HADHB: variants seen among roughly 807,000 people sequenced by gnomAD.
HADHB encodes hydroxyacyl-CoA dehydrogenase trifunctional multienzyme complex subunit beta.
In HADHB, 50 loss-of-function variants were observed where a neutral mutation model predicts 61.9. The ratio of observed to expected loss-of-function variants is 0.81; its 90% confidence interval spans 0.64 to 1.02. HADHB has a LOEUF of 1.02. Ranked by LOEUF, HADHB falls within the 50% of genes least tolerant of loss-of-function variation. The pLI, the probability that HADHB is intolerant of heterozygous loss-of-function variation, is 0.00. For synonymous variants in HADHB, 191 were observed against 201.6 expected, an observed-to-expected ratio of 0.95 and a Z score of 0.45; for missense variants, 504 against 586.5, an observed-to-expected ratio of 0.86 and a Z score of 1.45.
chr2:26,281,082 T>C (rs1434296282), intron 10 of HADHB, among the ~76,000 whole-genome samples: 2 of 151,970 alleles, frequency 1.3e-5, no homozygotes, highest in African/African-American at 2.4e-5. Flanking sequence ...CCCAATATTA[T>C]TTTCCTGTAA....
chr2:26,279,810 C>G (rs545974909), intron 9 of HADHB, among the ~76,000 whole-genome samples, 184 bp from the exon 10 acceptor site: 1 of 152,040 alleles, frequency 6.6e-6, no homozygotes, highest in East Asian at 1.9e-4. Flanking sequence ...AGATGATTTC[C>G]CAATTGTCTT....
chr2:26,246,122 A>T (rs1157673061), intron 1 of HADHB, among the ~76,000 whole-genome samples: 1 of 152,208 alleles, frequency 6.6e-6, no homozygotes, highest in African/African-American at 2.4e-5. Flanking sequence ...ATAAATTGCA[A>T]AAAGGATTCT....
chr2:26,255,302 C>A (rs1035015109), intron 3 of HADHB, among the ~76,000 whole-genome samples: 4 of 151,974 alleles, frequency 2.6e-5, no homozygotes, highest in African/African-American at 9.7e-5. Flanking sequence ...GAGTTTGAGA[C>A]CAGCTTGGTC....
Position 26,282,869 on chromosome 2 carries a change from A to G in HADHB, c.958A>G (p.Ile320Val). 1 of 1,613,020 alleles carries G rather than the reference A, an allele frequency of 6.2e-7. No individual in the cohort carries two copies. The highest frequency in any genetic ancestry group is 1.3e-5 in the African/African-American group (1 of 75,042). ...FLTDGASAMLIMAEEKALAMG... is the reference protein window; with the variant it reads ...FLTDGASAMLVMAEEKALAMG... The stretch of plus-strand genomic sequence containing the variant: ...GACTGATGGTGCATCTGCAATGTTA[A>G]TCATGGCGGAGGAAAAGGCTCTGGC... Residue 320 changes from isoleucine to valine, a missense_variant, in exon 11 of 16, where the codon ATC becomes GTC. Ile to Val is a conservative substitution (Grantham distance 29). Transcript: ENST00000317799.
chr2:26,279,954 T>A lies in HADHB; in HGVS notation c.812-40T>A, dbSNP rs781310561. On this transcript the variant is annotated intron_variant, in intron 9 of 15. Coordinates refer to ENST00000317799, the MANE Select transcript of HADHB (RefSeq NM_000183.3). ...TTCTGTGGAGAAGATATATAAGGCTTGTGGTTCCATAGAGTTAAAAAAATT... is the reference window on the plus strand; with the variant it reads ...TTCTGTGGAGAAGATATATAAGGCTAGTGGTTCCATAGAGTTAAAAAAATT... The A allele has an allele frequency of 5.4e-6, 8 of 1,484,166 alleles. No individual in the cohort carries two copies. The African/African-American group carries it at 9.6e-5, about 18-fold the overall frequency. 91.9% of individuals were successfully genotyped at this position (1,484,166 alleles called of 1,614,324 possible).
At chr2:26,257,397 G>T (rs1671670612) in intron 3 of HADHB, among the ~76,000 whole-genome samples, 1 of 151,988 alleles carries the variant, frequency 6.6e-6, no homozygotes, top group Non-Finnish European at 1.5e-5. Context: ...TGGGATTACA[G>T]GCATGAGCCA....
At chr2:26,254,075 A>G (rs1292638301) in intron 1 of HADHB, among the ~76,000 whole-genome samples, 172 bp from the exon 2 acceptor site, 1 of 151,904 alleles carries the variant, frequency 6.6e-6, no homozygotes, top group Non-Finnish European at 1.5e-5. Flanking sequence ...CAATGTGAAA[A>G]CCATGTTGGT....
chr2:26,274,944 A>G lies in HADHB; in HGVS notation c.354+1194A>G, dbSNP rs532697080. Among the ~76,000 whole-genome samples the G allele has an allele frequency of 9.2e-5, 14 of 152,254 alleles. No homozygotes were observed. In the East Asian group the frequency reaches 1.7e-3, roughly 19 times the overall value. On this transcript the variant is annotated intron_variant, in intron 6 of 15. Coordinates refer to ENST00000317799, the MANE Select transcript of HADHB (RefSeq NM_000183.3). ...GTAATTCAGTTCTTTTTTTCCTAAA[A>G]CTAAAGCCATAATGTTTTCCTCTGA...
intron 5 of HADHB, 92 bp downstream of exon 5, chr2:26,270,089 G>A (rs1672275328): frequency 3.4e-6 from 3 of 878,786 alleles, no homozygotes; most frequent in Non-Finnish European, 5.9e-6. Flanking sequence ...TCTTATTTTA[G>A]CCATCTGTAC....
At chr2:26,264,184 A>C (rs917000781) in intron 4 of HADHB, among the ~76,000 whole-genome samples, 2 of 152,210 alleles carry the variant, frequency 1.3e-5, no homozygotes, top group African/African-American at 4.8e-5. Context: ...GGCATCTGTT[A>C]AAAAGAATGA....
rs564242219 is a variant in HADHB at position 26,270,932 on chromosome 2, G to A, written c.254+935G>A. 1.9e-3 allele frequency among the ~76,000 whole-genome samples: 287 copies of A among 147,232 alleles called. 1 individual carries two copies. Among genetic ancestry groups the A allele is most frequent in the Admixed American group, 6.7e-3 (99 of 14,722 alleles). The stretch of plus-strand genomic sequence containing the variant: ...CTCGCTCTGTCACCCAGGCTGGAGT[G>A]CAGTGGCGTGATTTCGGCTCACTGC... On this transcript the variant is annotated intron_variant, in intron 5 of 15. Transcript: ENST00000317799.
chr2:26,266,476 T>C (rs918324866), intron 4 of HADHB, among the ~76,000 whole-genome samples: 4 of 152,102 alleles, frequency 2.6e-5, no homozygotes, highest in Admixed American at 2.0e-4. Flanking sequence ...CAGGTTCTTA[T>C]GGGTAGGGGC....
At chr2:26,259,130 G>A (rs1671759542) in intron 3 of HADHB, among the ~76,000 whole-genome samples, 5 of 152,116 alleles carry the variant, frequency 3.3e-5, no homozygotes, top group Admixed American at 3.3e-4. Context: ...TTACTGCACG[G>A]TCACTTCACT....
At chr2:26,270,658 T>G (rs1015067570) in intron 5 of HADHB, among the ~76,000 whole-genome samples, 1 of 152,172 alleles carries the variant, frequency 6.6e-6, no homozygotes, top group African/African-American at 2.4e-5. Context: ...ATAATCATTA[T>G]TTCCATTTTC....
intron 5 of HADHB, 50 bp downstream of exon 5, chr2:26,270,047 C>T (rs1672274340): frequency 3.2e-6 from 4 of 1,246,746 alleles, no homozygotes; most frequent in Non-Finnish European, 4.7e-6. Context: ...AAGGCACTTT[C>T]TCCAGTTTTT....
At chr2:26,249,933 C>G (rs997530069) in intron 1 of HADHB, among the ~76,000 whole-genome samples, 2 of 152,104 alleles carry the variant, frequency 1.3e-5, no homozygotes, top group Admixed American at 6.6e-5. Context: ...AAGCCACATA[C>G]AGCAGCTACA....
At chr2:26,289,032 C>T (rs1460592198) in intron 15 of HADHB, among the ~76,000 whole-genome samples, 2 of 151,962 alleles carry the variant, frequency 1.3e-5, no homozygotes, top group African/African-American at 4.8e-5. Context: ...AGGCAGATCA[C>T]GAGGTCAGGA....
At chr2:26,277,796 G>C (rs1672611075) in intron 7 of HADHB, among the ~76,000 whole-genome samples, 1 of 152,172 alleles carries the variant, frequency 6.6e-6, no homozygotes, top group Non-Finnish European at 1.5e-5. Context: ...TTTACAACCT[G>C]CCAGGCTTTC....
At chr2:26,282,732 T>G in intron 10 of HADHB, 113 bp from the exon 11 acceptor site, 1 of 745,090 alleles carries the variant, frequency 1.3e-6, no homozygotes, top group South Asian at 1.5e-5. Context: ...TTATATAGAA[T>G]CACTGTATAA....
Sources: gnomAD v4.1 joint callset for allele counts (sites outside exome capture counted in the v4.1 genomes callset) on GRCh38, gnomAD v4.1.1 for gene constraint, MANE v1.5 for transcripts, NCBI Gene and HGNC (gene_info 2026-07-23, HGNC 2026-07-21) for gene names.